Variants in EVC observed in about 807,000 individuals in gnomAD.
EVC encodes the protein EvC ciliary complex subunit 1.
A neutral mutation model predicts 118.9 loss-of-function variants in EVC; 116 were observed. That is an observed-to-expected ratio of 0.98 (90% CI 0.84 to 1.14). The LOEUF (loss-of-function observed/expected upper bound fraction) is 1.14, where lower values mean the gene tolerates loss of function less well. EVC is among the 50% of genes most tolerant of loss of function. The pLI is 0.00. For synonymous variants in EVC, 619 were observed against 534.7 expected (o/e 1.16, Z -2.18); for missense variants, 1,401 against 1,246.4 (o/e 1.12, Z -1.87).
intron 15 of EVC, 130 bp from the exon 16 acceptor site, chr4:5,801,820 C>T (rs1427386893): frequency 3.9e-6 from 4 of 1,020,262 alleles, no homozygotes; most frequent in Non-Finnish European, 6.0e-6. Flanking sequence ...TGCCTGCTTC[C>T]TGACCAATCC....
At chr4:5,784,054 A>T (rs1736053168) in intron 12 of EVC, among the ~76,000 whole-genome samples, 2 of 152,146 alleles carry the variant, frequency 1.3e-5, no homozygotes, top group South Asian at 4.1e-4. Context: ...AATGGCAGGA[A>T]GGAAAGGGGT....
chr4:5,800,212 G>C (rs1714719991), intron 15 of EVC, among the ~76,000 whole-genome samples: 1 of 152,176 alleles, frequency 6.6e-6, no homozygotes, highest in Non-Finnish European at 1.5e-5. Flanking sequence ...AGGTGTAGTG[G>C]TGTGCGCCTG....
chr4:5,825,837 A>G, the EVC span: 1 of 626,674 alleles, frequency 1.6e-6, no homozygotes, highest in South Asian at 2.1e-5. This position sits in a 1 kb window ranked among gnomAD's most constrained non-coding sequence, Gnocchi z 4.4. Context: ...AGCCGCACAC[A>G]GGCATTCATA....
intron 17 of EVC, among the ~76,000 whole-genome samples, chr4:5,806,113 T>C (rs1368632906): frequency 6.6e-6 from 1 of 151,404 alleles, no homozygotes; most frequent in African/African-American, 2.4e-5. Context: ...AGAGTCTTGC[T>C]CTGTTGCCCA....
chr4:5,726,059 T>G (rs1446180148), intron 2 of EVC, among the ~76,000 whole-genome samples: 2 of 152,216 alleles, frequency 1.3e-5, no homozygotes, highest in Admixed American at 6.5e-5. Flanking sequence ...TAGGCCACAG[T>G]GCTGGCTCAG....
At chr4:5,716,446 C>T (rs1723972837) in intron 1 of EVC, among the ~76,000 whole-genome samples, 1 of 152,202 alleles carries the variant, frequency 6.6e-6, no homozygotes, top group South Asian at 2.1e-4. Flanking sequence ...AACCTTAGCT[C>T]AGGCTCCTGG....
At chr4:5,740,659 A>G (rs1306922753) in intron 5 of EVC, among the ~76,000 whole-genome samples, 3 of 152,196 alleles carry the variant, frequency 2.0e-5, no homozygotes, top group African/African-American at 7.2e-5. Context: ...GACAAGCTAC[A>G]GAGTGAGAGA....
the EVC span, among the ~76,000 whole-genome samples, chr4:5,827,014 A>G: frequency 6.6e-6 from 1 of 152,050 alleles, no homozygotes; most frequent in African/African-American, 2.4e-5. Context: ...GAGGCCGTTC[A>G]TCACTCCCTG....
intron 8 of EVC, among the ~76,000 whole-genome samples, chr4:5,748,640 C>T (rs1005348340): frequency 8.3e-6 from 1 of 120,132 alleles, no homozygotes; most frequent in Admixed American, 8.0e-5. Flanking sequence ...ATCTGCCCTC[C>T]CACCCATTTA....
In EVC at chr4:5,810,429, A is replaced by T; in HGVS notation, c.2873A>T (p.Asp958Val). The stretch of plus-strand genomic sequence containing the variant: ...AACAATGAGGACCTTGCCTCCGGGG[A>T]CCAGACCTCAGGCTCACTCAGGTAT... ...VPNNEDLASG[D>V]QTSGSLSSKR... Residue 958 changes from aspartate (D) to valine (V), a missense_variant, in exon 20 of 21, where the codon GAC becomes GTC. Physicochemically the swap from Asp to Val is radical, Grantham distance 152. Coordinates refer to ENST00000264956, the MANE Select transcript of EVC (RefSeq NM_153717.3). 6.2e-7 allele frequency: 1 copy of T among 1,612,308 alleles called. No homozygotes were observed. The highest frequency in any genetic ancestry group is 8.5e-7 in the Non-Finnish European group (1 of 1,179,506).
chr4:5,804,796 G>A lies in EVC; in HGVS notation c.2516G>A (p.Arg839Lys), dbSNP rs745451709. ...QELSNPSSGS[R>K]TAGGAHETSQ... is the part of the protein sequence containing the mutation. ...CTCAGCAACCCTTCGTCGGGCAGCA[G>A]GACGGCAGGTGGCGCTCATGAGACC... Residue 839 changes from arginine to lysine, a missense_variant, in exon 17 of 21, where the codon AGG becomes AAG. Transcript: ENST00000264956. The A allele has an allele frequency of 8.7e-6, 14 of 1,614,044 alleles. No homozygotes were observed. In the East Asian group the frequency reaches 1.3e-4, roughly 15 times the overall value.
chr4:5,792,887 C>T (rs76463521), intron 12 of EVC, among the ~76,000 whole-genome samples: 1 of 152,168 alleles, frequency 6.6e-6, no homozygotes, highest in South Asian at 2.1e-4. Context: ...TATAGAATGT[C>T]ATTGAAGGCA....
downstream of EVC, among the ~76,000 whole-genome samples, chr4:5,818,396 A>C (rs1718008681): frequency 1.3e-5 from 2 of 152,192 alleles, no homozygotes; most frequent in South Asian, 4.1e-4. Flanking sequence ...GCCAACAGTT[A>C]AGTGGTCTGG....
At chr4:5,774,886 C>T (rs1734490442) in intron 11 of EVC, among the ~76,000 whole-genome samples, 2 of 152,094 alleles carry the variant, frequency 1.3e-5, no homozygotes, top group South Asian at 4.1e-4. Flanking sequence ...GTGACATATG[C>T]CAGCATTAGT....
chr4:5,785,139 C>G (rs557778657), intron 12 of EVC, among the ~76,000 whole-genome samples: 7 of 152,276 alleles, frequency 4.6e-5, no homozygotes, highest in African/African-American at 1.4e-4. Context: ...ATACCAGAGC[C>G]GGTTTTGCTT....
intron 8 of EVC, 193 bp from the exon 9 acceptor site, chr4:5,752,643 A>T (rs1233740795): frequency 7.4e-6 from 5 of 675,638 alleles, no homozygotes; most frequent in Non-Finnish European, 1.3e-5. Context: ...TAGGAGAGAC[A>T]CTTAATCCCC....
In EVC at chr4:5,719,394, T is replaced by C. The variant is rs764800225; in HGVS notation, c.300+21T>C. On this transcript the variant is annotated intron_variant, in intron 2 of 20. Coordinates refer to ENST00000264956, the MANE Select transcript of EVC (RefSeq NM_153717.3). The surrounding 1 kb of genome is among the most constrained non-coding windows in gnomAD (Gnocchi z 4.7). Reference sequence around the variant, plus strand: ...TTGATGTAAGCTTGGTGTTGATGTTTGTTTGTGGAGGCACATGTGGGAGGT... The same window carrying C: ...TTGATGTAAGCTTGGTGTTGATGTTCGTTTGTGGAGGCACATGTGGGAGGT... 8 of 1,614,010 alleles carry C rather than the reference T, an allele frequency of 5.0e-6. No homozygotes were observed. The Admixed American group carries it at 1.2e-4, about 24-fold the overall frequency.
At chr4:5,725,766 A>AT (rs887674394) in intron 2 of EVC, among the ~76,000 whole-genome samples, 1 of 152,044 alleles carries the variant, frequency 6.6e-6, no homozygotes, top group African/African-American at 2.4e-5. Context: ...TGTTTTTGGC[A>AT]TTTTTGTCGT....
intron 11 of EVC, among the ~76,000 whole-genome samples, chr4:5,778,398 C>T (rs1446174422): frequency 6.6e-6 from 1 of 151,720 alleles, no homozygotes; most frequent in African/African-American, 2.4e-5. Context: ...GTTCTAGATC[C>T]CTGAGGAATC....
Sources: gnomAD v4.1 joint callset for allele counts (sites outside exome capture counted in the v4.1 genomes callset) on GRCh38, gnomAD v4.1.1 for gene constraint, Gnocchi (gnomAD v3.1) non-coding constraint, MANE v1.5 for transcripts, NCBI Gene and HGNC (gene_info 2026-07-23, HGNC 2026-07-21) for gene names.